SORCS1: variants seen among roughly 807,000 people sequenced by gnomAD.
SORCS1 encodes sortilin related VPS10 domain containing receptor 1, also known as VPS10 domain-containing receptor SorCS1.
SORCS1 carries 60 observed loss-of-function variants against 146.1 expected under a neutral mutation model. That is an observed-to-expected ratio of 0.41 (90% confidence interval 0.33 to 0.51). The LOEUF is 0.51. SORCS1 is among the 20% of genes least tolerant of loss of function. The pLI is 0.21. For missense variants in SORCS1, 1,352 were observed against 1,487.6 expected (o/e 0.91, Z 1.50); for synonymous variants, 637 against 584.0 (o/e 1.09, Z -1.31).
chr10:106,599,294 G>A (rs890029769), intron 23 of SORCS1, among the ~76,000 whole-genome samples: 7 of 151,578 alleles, frequency 4.6e-5, no homozygotes, highest in Non-Finnish European at 8.8e-5. Flanking sequence ...CTTGAACCCA[G>A]AAGGCAGACG....
chr10:106,657,358 G>A (rs1174120929), intron 17 of SORCS1, among the ~76,000 whole-genome samples: 1 of 152,144 alleles, frequency 6.6e-6, no homozygotes, highest in African/African-American at 2.4e-5. Flanking sequence ...CTCAGGAATG[G>A]AAAATCAAAT....
At chr10:107,148,554 C>T in intron 1 of SORCS1, among the ~76,000 whole-genome samples, 1 of 152,144 alleles carries the variant, frequency 6.6e-6, no homozygotes. Context: ...AAAATTTGGC[C>T]ACCCCTGTGT....
intron 2 of SORCS1, among the ~76,000 whole-genome samples, chr10:106,893,353 T>A (rs1951312718): frequency 6.6e-6 from 1 of 152,224 alleles, no homozygotes; most frequent in Non-Finnish European, 1.5e-5. Context: ...TTAGTTTAGC[T>A]CAGATTTTAT....
intron 2 of SORCS1, among the ~76,000 whole-genome samples, chr10:106,892,383 C>A (rs1193238224): frequency 1.3e-5 from 2 of 152,234 alleles, no homozygotes; most frequent in African/African-American, 2.4e-5. Flanking sequence ...CTGGACAATG[C>A]CTTCCATCAC....
chr10:106,638,053 C>T (rs1487267179), intron 18 of SORCS1, among the ~76,000 whole-genome samples: 1 of 152,136 alleles, frequency 6.6e-6, no homozygotes, highest in Non-Finnish European at 1.5e-5. Flanking sequence ...TATTATGGTA[C>T]AGAGAGGTTC....
At chr10:106,851,017 C>T (rs1380081694) in intron 2 of SORCS1, among the ~76,000 whole-genome samples, 6 of 152,188 alleles carry the variant, frequency 3.9e-5, no homozygotes, top group Non-Finnish European at 1.5e-5. Context: ...CAGTGTTCTA[C>T]CATATCTCCA....
At chr10:106,915,448 C>T (rs370094388) in intron 2 of SORCS1, among the ~76,000 whole-genome samples, 18 of 152,224 alleles carry the variant, frequency 1.2e-4, no homozygotes, top group African/African-American at 3.9e-4. Context: ...TTTCAAAATG[C>T]ATATTTGCCC....
chr10:106,935,984 A>G (rs1953691347), intron 2 of SORCS1, among the ~76,000 whole-genome samples: 1 of 152,206 alleles, frequency 6.6e-6, no homozygotes, highest in African/African-American at 2.4e-5. Context: ...TAGCCTGTAA[A>G]CTCAAATTAC....
At chr10:106,902,649 T>A (rs1161327190) in intron 2 of SORCS1, among the ~76,000 whole-genome samples, 1 of 152,214 alleles carries the variant, frequency 6.6e-6, no homozygotes, top group East Asian at 1.9e-4. Context: ...ATGGGTTACC[T>A]TTTTATTTAC....
chr10:106,820,260 A>G (rs1442933678), intron 3 of SORCS1, among the ~76,000 whole-genome samples: 1 of 152,158 alleles, frequency 6.6e-6, no homozygotes, highest in Non-Finnish European at 1.5e-5. Context: ...CAGCTGTTAT[A>G]TTGTATATAT....
At chr10:106,593,128 C>CAA (rs1211788882) in intron 24 of SORCS1, among the ~76,000 whole-genome samples, 3 of 80,766 alleles carry the variant, frequency 3.7e-5, no homozygotes, top group African/African-American at 4.5e-5. Context: ...GACCCCATCT[C>CAA]AAAAAAAAAA....
chr10:107,096,183 G>C (rs1590126190), intron 1 of SORCS1, among the ~76,000 whole-genome samples: 1 of 152,302 alleles, frequency 6.6e-6, no homozygotes, highest in East Asian at 1.9e-4. Context: ...TATATGGCAA[G>C]TTATTGTTGC....
intron 2 of SORCS1, among the ~76,000 whole-genome samples, chr10:106,878,414 C>T (rs1216500919): frequency 1.3e-5 from 2 of 151,278 alleles, no homozygotes; most frequent in East Asian, 2.0e-4. Context: ...GACCTTGGGG[C>T]GGTGATTAGG....
chr10:106,967,880 T>C (rs1392275074), intron 1 of SORCS1, among the ~76,000 whole-genome samples: 1 of 151,880 alleles, frequency 6.6e-6, no homozygotes, highest in African/African-American at 2.4e-5. Flanking sequence ...TTTATTGTAT[T>C]ATCTTCTCTC....
intron 1 of SORCS1, among the ~76,000 whole-genome samples, chr10:107,155,080 G>A (rs1467850699): frequency 6.6e-6 from 1 of 152,154 alleles, no homozygotes; most frequent in Non-Finnish European, 1.5e-5. Flanking sequence ...GACAGCCATG[G>A]AAGATAATTT....
chr10:106,743,543 G>A lies in SORCS1; in HGVS notation c.960-13429C>T, dbSNP rs189737811. ...AGGTTCAAGTGATTCTCCTGCCTCAGCCTCCTGAGTAGCTGGAACTACAGG... is the reference window on the plus strand; with the variant it reads ...AGGTTCAAGTGATTCTCCTGCCTCAACCTCCTGAGTAGCTGGAACTACAGG... On this transcript the variant is annotated intron_variant, in intron 5 of 25. Transcript: ENST00000263054. 6.3e-4 allele frequency among the ~76,000 whole-genome samples: 96 copies of A among 152,256 alleles called. 1 individual carries two copies. The highest frequency in any genetic ancestry group is 3.9e-3 in the Admixed American group (60 of 15,290).
intron 1 of SORCS1, among the ~76,000 whole-genome samples, chr10:107,086,425 A>T (rs747407247): frequency 1.3e-5 from 2 of 152,234 alleles, no homozygotes; most frequent in Non-Finnish European, 2.9e-5. Context: ...GAGATATCCT[A>T]AAATTATCCT....
chr10:106,699,458 C>T, intron 8 of SORCS1, 65 bp from the exon 9 acceptor site: 1 of 1,439,628 alleles, frequency 6.9e-7, no homozygotes, highest in South Asian at 1.4e-5. Context: ...GGCAGGCATC[C>T]AAAGAGTGTG....
chr10:106,968,960 C>A (rs1375582154), intron 1 of SORCS1, among the ~76,000 whole-genome samples: 1 of 152,148 alleles, frequency 6.6e-6, no homozygotes, highest in Non-Finnish European at 1.5e-5. Context: ...TCTCTATTAG[C>A]AGATCTTTTG....
Sources: allele counts gnomAD v4.1 joint callset (sites outside exome capture counted in the v4.1 genomes callset), GRCh38; gene constraint gnomAD v4.1.1; transcripts MANE v1.5; gene names NCBI Gene and HGNC (gene_info 2026-07-23, HGNC 2026-07-21).